The following IL21R variants were observed in gnomAD, a reference collection of about 807,000 sequenced individuals.
IL21R encodes interleukin-21 receptor.
Under a neutral mutation model 41.3 loss-of-function variants are expected in IL21R, and 14 were observed. That is an observed-to-expected ratio of 0.34 (90% CI 0.22 to 0.53). IL21R has a LOEUF of 0.53. Ranked by LOEUF, IL21R falls within the 20% of genes least tolerant of loss-of-function variation. The probability of loss-of-function intolerance (pLI) is 0.94; values close to 1 mark genes in which losing one functional copy is unlikely to be tolerated. For missense variants in IL21R, 588 were observed against 681.6 expected, an observed-to-expected ratio of 0.86 and a Z score of 1.53; for synonymous variants, 286 against 287.6, an observed-to-expected ratio of 0.99 and a Z score of 0.05.
chr16:27,446,113 C>G, intron 8 of IL21R, 25 bp downstream of exon 8: 1 of 1,596,616 alleles, frequency 6.3e-7, no homozygotes, highest in Non-Finnish European at 8.6e-7. Context: ...CTGTGATGAG[C>G]TCCTCGGAGC....
intron 4 of IL21R, among the ~76,000 whole-genome samples, chr16:27,438,261 A>T (rs2087308793): frequency 6.6e-6 from 1 of 151,872 alleles, no homozygotes; most frequent in East Asian, 1.9e-4. Context: ...CTGACCCCAT[A>T]ATGAGGCGAA....
At chr16:27,408,870 C>T (rs956922971) in intron 1 of IL21R, among the ~76,000 whole-genome samples, 1 of 152,168 alleles carries the variant, frequency 6.6e-6, no homozygotes, top group African/African-American at 2.4e-5. Context: ...ATTCCTCAAT[C>T]GTGTGACAGA....
chr16:27,418,048 T>G (rs1356580760), intron 1 of IL21R, among the ~76,000 whole-genome samples: 2 of 145,178 alleles, frequency 1.4e-5, no homozygotes, highest in Admixed American at 7.1e-5. Context: ...TTATTTTATT[T>G]TATTTTATTT....
intron 4 of IL21R, among the ~76,000 whole-genome samples, chr16:27,440,395 T>C (rs2087368655): frequency 6.6e-6 from 1 of 151,702 alleles, no homozygotes; most frequent in South Asian, 2.1e-4. Flanking sequence ...CACTTCGGCC[T>C]CCTGAGTGGT....
intron 4 of IL21R, chr16:27,442,713 A>G: frequency 3.0e-6 from 1 of 338,420 alleles, no homozygotes; most frequent in Non-Finnish European, 5.4e-6. Context: ...CCTCTCTGTG[A>G]CCTGCCCGCC....
intron 1 of IL21R, among the ~76,000 whole-genome samples, chr16:27,428,406 G>C (rs1419278692): frequency 6.6e-6 from 1 of 152,254 alleles, no homozygotes; most frequent in Non-Finnish European, 1.5e-5. Context: ...CGGCACAGAG[G>C]AGGAGGATCT....
At position 27,448,863 on chromosome 16, in the gene IL21R, C is replaced by T. The variant is rs748401631; in HGVS notation, c.1197C>T (p.Tyr399=). The change falls in exon 9 of 9, where the codon TAC becomes TAT. Residue 399 remains tyrosine, a synonymous_variant. Coordinates refer to ENST00000337929, the MANE Select transcript of IL21R (RefSeq NM_181078.3). ...CCTGCAGCTGTGAGGATGACGGCTACCCAGCCCTGGACCTGGATGCTGGCC... is the reference window on the plus strand; with the variant it reads ...CCTGCAGCTGTGAGGATGACGGCTATCCAGCCCTGGACCTGGATGCTGGCC... ...TWPCSCEDDG[Y]PALDLDAGLE... is the part of the protein sequence containing the mutation. 1 of 1,612,844 alleles carries T rather than the reference C, an allele frequency of 6.2e-7. No homozygotes were observed. Among genetic ancestry groups the T allele is most frequent in the East Asian group, 2.2e-5 (1 of 44,890 alleles).
At chr16:27,408,718 G>A (rs193222128) in intron 1 of IL21R, among the ~76,000 whole-genome samples, 52 of 152,114 alleles carry the variant, frequency 3.4e-4, no homozygotes, top group African/African-American at 1.0e-3. Context: ...GTCCCTCTTC[G>A]CCCACCTCAT....
chr16:27,436,687 C>A (rs548062206), intron 3 of IL21R, among the ~76,000 whole-genome samples: 2 of 152,262 alleles, frequency 1.3e-5, no homozygotes, highest in South Asian at 2.1e-4. Flanking sequence ...TAATCCCATC[C>A]CACCAACTTT....
chr16:27,413,887 C>T (rs2086856457), intron 1 of IL21R, among the ~76,000 whole-genome samples: 1 of 151,668 alleles, frequency 6.6e-6, no homozygotes, highest in East Asian at 1.9e-4. Flanking sequence ...GTTAGAAACA[C>T]AATAGATTTT....
intron 1 of IL21R, among the ~76,000 whole-genome samples, chr16:27,424,589 A>T (rs1238428490): frequency 1.3e-5 from 2 of 152,174 alleles, no homozygotes; most frequent in Non-Finnish European, 2.9e-5. Context: ...ACAAACCTGC[A>T]GCAAAGATTG....
intron 1 of IL21R, among the ~76,000 whole-genome samples, chr16:27,411,574 T>G (rs540346537): frequency 1.5e-3 from 223 of 149,510 alleles, no homozygotes; most frequent in African/African-American, 5.0e-3. Context: ...GCAATTCTCC[T>G]GCCTCAGCCT....
At position 27,434,413 on chromosome 16, in the gene IL21R, T is replaced by G; in HGVS notation, c.116T>G (p.Met39Arg). 1 of 1,613,972 alleles carries G rather than the reference T, an allele frequency of 6.2e-7. No individual in the cohort carries two copies. Among genetic ancestry groups the G allele is most frequent in the Non-Finnish European group, 8.5e-7 (1 of 1,179,920 alleles). Residue 39 changes from methionine to arginine, a missense_variant, in exon 3 of 9, where the codon ATG becomes AGG. By Grantham distance (91) the Met-to-Arg change is moderately conservative. Coordinates refer to ENST00000337929, the MANE Select transcript of IL21R (RefSeq NM_181078.3). ...CAGACGGTCATCTGCATCCTGGAAA[T>G]GTGGAACCTCCACCCCAGCACGCTC... is the stretch of plus-strand genomic sequence containing the variant. Reference protein sequence around the residue: ...YLQTVICILEMWNLHPSTLTL... With the variant: ...YLQTVICILERWNLHPSTLTL...
intron 1 of IL21R, among the ~76,000 whole-genome samples, chr16:27,415,594 G>T (rs75845473): frequency 6.6e-6 from 1 of 152,190 alleles, no homozygotes; most frequent in East Asian, 1.9e-4. Flanking sequence ...AGAAAAACGC[G>T]CAGGAAAGCT....
chr16:27,445,984 C>T (rs1313307416), intron 7 of IL21R, 23 bp from the exon 8 acceptor site: 1 of 1,594,894 alleles, frequency 6.3e-7, no homozygotes, highest in South Asian at 1.1e-5. Context: ...TGTCAGGGTC[C>T]TCACCCCTCT....
At chr16:27,441,797 C>A (rs1351483046) in intron 4 of IL21R, among the ~76,000 whole-genome samples, 1 of 152,094 alleles carries the variant, frequency 6.6e-6, no homozygotes, top group African/African-American at 2.4e-5. Flanking sequence ...TCACTTGAGG[C>A]CAGGAGTTTG....
At chr16:27,445,794 A>G (rs2087465303) in intron 7 of IL21R, among the ~76,000 whole-genome samples, 1 of 152,220 alleles carries the variant, frequency 6.6e-6, no homozygotes, top group African/African-American at 2.4e-5. Context: ...AGCCAAGAAC[A>G]TAACCACGAT....
chr16:27,418,040 A>ATT (rs200200553), intron 1 of IL21R, among the ~76,000 whole-genome samples: 1 of 124,886 alleles, frequency 8.0e-6, no homozygotes, highest in Admixed American at 8.4e-5. Flanking sequence ...ATTTTATTTT[A>ATT]TTTTATTTTA....
chr16:27,404,562 G>A (rs1243454893), intron 1 of IL21R, among the ~76,000 whole-genome samples: 1 of 152,146 alleles, frequency 6.6e-6, no homozygotes, highest in Non-Finnish European at 1.5e-5. Flanking sequence ...GAAAGGAACG[G>A]GGTATCCGTT....
Sources: allele counts gnomAD v4.1 joint callset (sites outside exome capture counted in the v4.1 genomes callset), GRCh38; gene constraint gnomAD v4.1.1; transcripts MANE v1.5; gene names NCBI Gene and HGNC (gene_info 2026-07-23, HGNC 2026-07-21).